Variants in BCL2 observed in about 807,000 individuals in gnomAD.
BCL2 encodes the protein apoptosis regulator Bcl-2.
A neutral mutation model predicts 14.2 loss-of-function variants in BCL2; 1 was observed. The ratio of observed to expected loss-of-function variants is 0.07; its 90% confidence interval spans 0.02 to 0.33. The LOEUF (loss-of-function observed/expected upper bound fraction) is 0.33. Among genes scored for constraint, BCL2 ranks in the 10% least tolerant of loss-of-function variants. The pLI, the probability that BCL2 is intolerant of heterozygous loss-of-function variation, is 0.99. For missense variants in BCL2, 247 were observed against 305.9 expected (o/e 0.81, Z 1.44); for synonymous variants, 151 against 137.2 (o/e 1.10, Z -0.70).
intron 2 of BCL2, among the ~76,000 whole-genome samples, chr18:63,243,446 G>A (rs1911069668): frequency 6.6e-6 from 1 of 152,092 alleles, no homozygotes; most frequent in Non-Finnish European, 1.5e-5. Context: ...AAAATAATCT[G>A]TACAACAAAG....
At chr18:63,314,550 A>G (rs1021772231) in intron 2 of BCL2, 3 of 152,200 alleles carry the variant, frequency 2.0e-5, no homozygotes, top group African/African-American at 7.2e-5. Context: ...TGTCTGAATC[A>G]TCTCATTCTT....
chr18:63,221,991 A>G (rs543302627), intron 2 of BCL2, among the ~76,000 whole-genome samples: 92 of 152,220 alleles, frequency 6.0e-4, no homozygotes, highest in Non-Finnish European at 1.2e-3. Context: ...AGATTCCTAT[A>G]GAAAAGAGGC....
At chr18:63,223,381 C>G (rs1194384768) in intron 2 of BCL2, among the ~76,000 whole-genome samples, 1 of 137,544 alleles carries the variant, frequency 7.3e-6, no homozygotes, top group Non-Finnish European at 1.6e-5. Flanking sequence ...GCCTGGGCGA[C>G]AGAGCAAGAC....
chr18:63,303,650 C>T (rs563334234), intron 2 of BCL2, among the ~76,000 whole-genome samples: 4 of 152,234 alleles, frequency 2.6e-5, no homozygotes, highest in Non-Finnish European at 4.4e-5. Context: ...CCTCTGTTTC[C>T]GCATCTATAA....
chr18:63,312,746 A>G (rs1373579407), intron 2 of BCL2, among the ~76,000 whole-genome samples: 3 of 152,252 alleles, frequency 2.0e-5, no homozygotes, highest in Non-Finnish European at 4.4e-5. Flanking sequence ...TTGGCATACA[A>G]GAGTTATTTA....
At chr18:63,166,107 C>T (rs987992965) in intron 2 of BCL2, among the ~76,000 whole-genome samples, 1 of 152,200 alleles carries the variant, frequency 6.6e-6, no homozygotes, top group Non-Finnish European at 1.5e-5. Flanking sequence ...TGGCTGGCTT[C>T]CTCGGAGGGG....
intron 2 of BCL2, among the ~76,000 whole-genome samples, chr18:63,244,467 G>A (rs1218816529): frequency 1.3e-5 from 2 of 152,176 alleles, no homozygotes; most frequent in Admixed American, 6.5e-5. Context: ...GCTGAGGCAG[G>A]AGAATCACTT....
chr18:63,180,119 TC>T (rs1352354560), intron 2 of BCL2, among the ~76,000 whole-genome samples: 3 of 152,212 alleles, frequency 2.0e-5, no homozygotes, highest in African/African-American at 7.2e-5. Context: ...CATTCCTTCT[TC>T]CCTTTCATTT....
intron 2 of BCL2, among the ~76,000 whole-genome samples, chr18:63,236,419 G>C (rs1052071625): frequency 1.0e-5 from 1 of 98,790 alleles, no homozygotes; most frequent in African/African-American, 3.1e-5. Context: ...GAGTGGGCTC[G>C]TGGTCTATTG....
intron 2 of BCL2, among the ~76,000 whole-genome samples, chr18:63,165,305 C>G (rs1483665881): frequency 6.6e-6 from 1 of 152,142 alleles, no homozygotes; most frequent in African/African-American, 2.4e-5. Context: ...TTGGATGAAC[C>G]TCATTGGGTG....
At chr18:63,258,302 C>T (rs1911543972) in intron 2 of BCL2, among the ~76,000 whole-genome samples, 3 of 152,230 alleles carry the variant, frequency 2.0e-5, no homozygotes, top group Non-Finnish European at 4.4e-5. Flanking sequence ...TATTTTGTCA[C>T]AGCAGCCCTA....
At chr18:63,237,318 C>T (rs1910869368) in intron 2 of BCL2, among the ~76,000 whole-genome samples, 1 of 152,152 alleles carries the variant, frequency 6.6e-6, no homozygotes, top group Non-Finnish European at 1.5e-5. Context: ...ACATTTTAGG[C>T]TGGAAATAAG....
chr18:63,305,965 C>T (rs1405181494), intron 2 of BCL2, among the ~76,000 whole-genome samples: 2 of 152,016 alleles, frequency 1.3e-5, no homozygotes, highest in Non-Finnish European at 2.9e-5. Context: ...GTCCCAGCTA[C>T]TCAGGAGACT....
At chr18:63,133,183 G>A (rs1041728158) in intron 2 of BCL2, among the ~76,000 whole-genome samples, 6 of 152,206 alleles carry the variant, frequency 3.9e-5, no homozygotes. Context: ...GGCCAGGTAG[G>A]TGTGGACGGG....
Position 63,268,621 on chromosome 18 carries a change from C to T in BCL2, c.585+49461G>A, listed in dbSNP as rs555840969. Among the ~76,000 whole-genome samples, 6 of 152,316 alleles carry T rather than the reference C, an allele frequency of 3.9e-5. No homozygotes were observed. The South Asian group carries it at 1.0e-3, about 26-fold the overall frequency. On this transcript the variant is annotated intron_variant, in intron 2 of 2. Transcript: ENST00000333681. ...TGAGCAAGGGTTTACATTGGTTTCACGACAGTGTGGAATACTTTAACAATT... is the reference window on the plus strand; with the variant it reads ...TGAGCAAGGGTTTACATTGGTTTCATGACAGTGTGGAATACTTTAACAATT...
At chr18:63,190,874 G>A (rs575460297) in intron 2 of BCL2, among the ~76,000 whole-genome samples, 1 of 152,118 alleles carries the variant, frequency 6.6e-6, no homozygotes, top group Non-Finnish European at 1.5e-5. Context: ...CCCTCAACAG[G>A]CTCCAGTGTG....
chr18:63,289,293 G>C (rs1442860672), intron 2 of BCL2, among the ~76,000 whole-genome samples: 1 of 152,146 alleles, frequency 6.6e-6, no homozygotes, highest in Non-Finnish European at 1.5e-5. Context: ...GAAAAAGGCT[G>C]AAAAGGTGGT....
chr18:63,183,014 A>T (rs968477355), intron 2 of BCL2, among the ~76,000 whole-genome samples: 2 of 152,236 alleles, frequency 1.3e-5, no homozygotes, highest in Non-Finnish European at 2.9e-5. Flanking sequence ...CGAGCTGGGC[A>T]TGCCTAGGTC....
chr18:63,231,139 T>C (rs1192187513), intron 2 of BCL2, among the ~76,000 whole-genome samples: 2 of 151,932 alleles, frequency 1.3e-5, no homozygotes, highest in Non-Finnish European at 1.5e-5. Context: ...GGAAAAACCA[T>C]ATAATCATCT....
Sources: allele counts gnomAD v4.1 joint callset (sites outside exome capture counted in the v4.1 genomes callset), GRCh38; gene constraint gnomAD v4.1.1; transcripts MANE v1.5; gene names NCBI Gene and HGNC (gene_info 2026-07-23, HGNC 2026-07-21).